Variants in ASXL1 observed in about 807,000 individuals in gnomAD.
The protein encoded by ASXL1 is ASXL transcriptional regulator 1, also known as polycomb group protein ASXL1.
Under a neutral mutation model 89.1 loss-of-function variants are expected in ASXL1, and 65 were observed. That is an observed-to-expected ratio of 0.73 (90% CI 0.60 to 0.90). ASXL1 has a LOEUF of 0.90. Ranked by LOEUF, ASXL1 falls within the 40% of genes least tolerant of loss-of-function variation. The probability of loss-of-function intolerance (pLI) is 0.00; values close to 1 mark genes in which losing one functional copy is unlikely to be tolerated. For missense variants in ASXL1, 1,786 were observed against 1,942.9 expected, an observed-to-expected ratio of 0.92 and a Z score of 1.52; for synonymous variants, 739 against 746.9, an observed-to-expected ratio of 0.99 and a Z score of 0.17.
chr20:32,369,017 G>A lies in ASXL1; in HGVS notation c.146G>A (p.Gly49Glu), dbSNP rs1355901469. Residue 49 changes from glycine to glutamate, a missense_variant and splice_region_variant, in exon 4 of 13, where the codon GGG (glycine) becomes GAG (glutamate). Gly to Glu is a moderately conservative substitution (Grantham distance 98, BLOSUM62 -2). This residue lies in a region of ASXL1 where 332 missense variants were observed against 449.7 expected (regional missense o/e 0.74). Coordinates refer to ENST00000375687, the MANE Select transcript of ASXL1 (RefSeq NM_015338.6). ...TCCATTCTTTTGTGGTTTTACAGTG[G>A]GACTTCCCCTCTCGCATGCCTCAAT... ...EAEGLKEMRS[G>E]TSPLACLNAM... 1 of 1,612,176 alleles carries A rather than the reference G, an allele frequency of 6.2e-7. No homozygotes were observed. The highest frequency in any genetic ancestry group is 2.2e-5 in the East Asian group (1 of 44,868).
chr20:32,409,055 C>A (rs533214465), intron 4 of ASXL1, among the ~76,000 whole-genome samples: 1 of 152,126 alleles, frequency 6.6e-6, no homozygotes, highest in East Asian at 1.9e-4. Context: ...CTCACTGCAA[C>A]CTTTGCCTCC....
intron 4 of ASXL1, among the ~76,000 whole-genome samples, chr20:32,392,981 C>T (rs141886540): frequency 1.3e-5 from 2 of 152,074 alleles, no homozygotes; most frequent in African/African-American, 4.8e-5. Context: ...TGTTGATTGG[C>T]TTGTTGATTG....
chr20:32,369,151 C>T, intron 4 of ASXL1, 28 bp downstream of exon 4: 1 of 1,567,028 alleles, frequency 6.4e-7, no homozygotes, highest in Non-Finnish European at 8.8e-7. Flanking sequence ...TCTTTTGGTG[C>T]AGTGATTCTT....
chr20:32,433,168 A>G lies in ASXL1; in HGVS notation c.1086-116A>G, dbSNP rs568816430. 251 of 1,551,396 alleles carry G rather than the reference A, an allele frequency of 1.6e-4. 1 individual carries two copies. In the East Asian group the frequency reaches 5.6e-3, roughly 35 times the overall value. On this transcript the variant is annotated intron_variant, in intron 11 of 12. Coordinates refer to ENST00000375687, the MANE Select transcript of ASXL1 (RefSeq NM_015338.6). ...AAGTTTTTCCATGGTTAGATTGTGCACCACACAGATTTATTTTGTTCTGAG... is the reference window on the plus strand; with the variant it reads ...AAGTTTTTCCATGGTTAGATTGTGCGCCACACAGATTTATTTTGTTCTGAG...
intron 4 of ASXL1, among the ~76,000 whole-genome samples, chr20:32,380,206 C>T (rs895338202): frequency 3.3e-5 from 5 of 152,046 alleles, no homozygotes; most frequent in African/African-American, 4.8e-5. Context: ...CCCTTGAACC[C>T]GGGAGGCGGA....
At chr20:32,398,999 A>G (rs2048821284) in intron 4 of ASXL1, among the ~76,000 whole-genome samples, 1 of 151,656 alleles carries the variant, frequency 6.6e-6, no homozygotes, top group South Asian at 2.1e-4. Context: ...GCACTTTGGG[A>G]GGCCGAGTTG....
intron 4 of ASXL1, among the ~76,000 whole-genome samples, chr20:32,402,533 T>C (rs1339814536): frequency 1.3e-5 from 2 of 152,260 alleles, no homozygotes; most frequent in African/African-American, 4.8e-5. Flanking sequence ...AAGAAACGAC[T>C]ACACTGTTTT....
intron 4 of ASXL1, chr20:32,372,106 G>A: frequency 7.5e-7 from 1 of 1,340,948 alleles, no homozygotes; most frequent in Non-Finnish European, 9.9e-7. Flanking sequence ...CAGAATTCTT[G>A]GCATAGTACG....
chr20:32,407,508 G>A (rs550993307), intron 4 of ASXL1, among the ~76,000 whole-genome samples: 4 of 152,012 alleles, frequency 2.6e-5, no homozygotes, highest in Middle Eastern at 3.4e-3. Context: ...TGTCACCCAC[G>A]CTAGAGTGCG....
intron 4 of ASXL1, among the ~76,000 whole-genome samples, chr20:32,386,981 AG>A (rs2048590760): frequency 6.6e-6 from 1 of 152,092 alleles, no homozygotes; most frequent in Admixed American, 6.6e-5. Context: ...TGATACTGTC[AG>A]TATTTAACTT....
chr20:32,366,500 T>G (rs2048206903), intron 2 of ASXL1, 34 bp downstream of exon 2: 1 of 1,613,252 alleles, frequency 6.2e-7, no homozygotes, highest in African/African-American at 1.3e-5. Context: ...ACATGAGGGT[T>G]TCATAGGATA....
intron 4 of ASXL1, among the ~76,000 whole-genome samples, chr20:32,411,716 T>G (rs1292246622): frequency 6.6e-6 from 1 of 151,790 alleles, no homozygotes; most frequent in East Asian, 1.9e-4. Flanking sequence ...TTTTATATTT[T>G]TAGTAGAGAT....
At position 32,437,161 on chromosome 20, in the gene ASXL1, C is replaced by T. The variant is rs754565908; in HGVS notation, c.4449C>T (p.Ser1483=). The T allele has an allele frequency of 6.2e-7, 1 of 1,614,178 alleles. No homozygotes were observed. The highest frequency in any genetic ancestry group is 1.7e-5 in the Admixed American group (1 of 60,026). Residue 1483 remains serine (S), a synonymous_variant, in exon 13 of 13, where the codon AGC becomes AGT. Coordinates refer to ENST00000375687, the MANE Select transcript of ASXL1 (RefSeq NM_015338.6). The stretch of plus-strand genomic sequence containing the variant: ...GCCACAAAGCAAACTTTGGTGCGAG[C>T]CACAGTGCATCACTTTCCTTGCAAA... ...QLSHKANFGA[S]HSASLSLQMF... is the part of the protein sequence containing the mutation.
Position 32,358,746 on chromosome 20 carries a change from G to T in ASXL1, c.-30G>T. ...AGCCCGCCCAGCCCGGAGGTCCCGC[G>T]TGGAGCTGCCGCCGCCGCCGGGGAG... On this transcript the variant is annotated 5_prime_UTR_variant, in exon 1 of 13. Transcript: ENST00000375687. 2 of 1,234,082 alleles carry T rather than the reference G, an allele frequency of 1.6e-6. No homozygotes were observed. The highest frequency in any genetic ancestry group is 1.3e-5 in the South Asian group (1 of 75,920). 76.4% of individuals were successfully genotyped at this position (1,234,082 alleles called of 1,614,324 possible). A position where few individuals can be genotyped will look rare whatever the true frequency, so the allele number is the denominator to read the frequency against.
intron 4 of ASXL1, among the ~76,000 whole-genome samples, chr20:32,426,311 C>T (rs1314681460): frequency 6.6e-6 from 1 of 151,894 alleles, no homozygotes; most frequent in African/African-American, 2.4e-5. Flanking sequence ...TTCTCATACT[C>T]TTGTCAGAAC....
At chr20:32,387,846 A>C (rs565886309) in intron 4 of ASXL1, among the ~76,000 whole-genome samples, 1 of 152,330 alleles carries the variant, frequency 6.6e-6, no homozygotes, top group African/African-American at 2.4e-5. Flanking sequence ...CGGATATCTA[A>C]TGGCATCTCA....
intron 4 of ASXL1, among the ~76,000 whole-genome samples, chr20:32,386,409 G>A (rs1881892376): frequency 6.6e-6 from 1 of 151,628 alleles, no homozygotes; most frequent in Non-Finnish European, 1.5e-5. Flanking sequence ...AAAGAAAACA[G>A]TCATATTTGG....
chr20:32,382,982 T>TG (rs1419183108), intron 4 of ASXL1, among the ~76,000 whole-genome samples: 1 of 152,198 alleles, frequency 6.6e-6, no homozygotes, highest in Non-Finnish European at 1.5e-5. Flanking sequence ...TTCTGATAGA[T>TG]GAAAGGATTT....
chr20:32,359,616 G>A, intron 1 of ASXL1: 1 of 701,482 alleles, frequency 1.4e-6, no homozygotes, highest in South Asian at 1.5e-5. Flanking sequence ...GTATTTTGAG[G>A]AGAACTGAAT....
Sources: gnomAD v4.1 joint callset for allele counts (sites outside exome capture counted in the v4.1 genomes callset) on GRCh38, gnomAD v4.1.1 for gene constraint, gnomAD v4.1.1 regional missense constraint, MANE v1.5 for transcripts, NCBI Gene and HGNC (gene_info 2026-07-23, HGNC 2026-07-21) for gene names.